Variants in DPF3 observed in about 807,000 individuals in gnomAD.
DPF3 encodes the protein double PHD fingers 3, also known as zinc finger protein DPF3.
A neutral mutation model predicts 56.8 loss-of-function variants in DPF3; 18 were observed. The observed-to-expected ratio is 0.32, with a 90% CI of 0.22 to 0.47. The LOEUF (loss-of-function observed/expected upper bound fraction) is 0.47, where lower values mean the gene tolerates loss of function less well. DPF3 is among the 20% of genes least tolerant of loss of function. The pLI is 1.00. For missense variants in DPF3, 403 were observed against 488.8 expected (o/e 0.82, Z 1.65); for synonymous variants, 188 against 180.2 (o/e 1.04, Z -0.35).
At chr14:72,887,370 A>T (rs2140132960) in intron 1 of DPF3, among the ~76,000 whole-genome samples, 1 of 152,292 alleles carries the variant, frequency 6.6e-6, no homozygotes, top group Non-Finnish European at 1.5e-5. Flanking sequence ...CCAGAGGAAA[A>T]GCCCACATTC....
At chr14:72,830,730 G>C (rs1884017140) in intron 1 of DPF3, among the ~76,000 whole-genome samples, 1 of 152,118 alleles carries the variant, frequency 6.6e-6, no homozygotes, top group East Asian at 1.9e-4. Context: ...CCAAATTTCA[G>C]ACTTTCTGGG....
At chr14:72,784,856 C>T (rs980592809) in intron 1 of DPF3, among the ~76,000 whole-genome samples, 2 of 151,992 alleles carry the variant, frequency 1.3e-5, no homozygotes, top group Admixed American at 1.3e-4. Context: ...ACTTAGGAGG[C>T]TGAGGCAGGA....
intron 8 of DPF3, among the ~76,000 whole-genome samples, chr14:72,643,653 A>T (rs1185554281): frequency 6.6e-6 from 1 of 152,126 alleles, no homozygotes; most frequent in Non-Finnish European, 1.5e-5. Context: ...AGCTATTCCC[A>T]CTTGCAGCTG....
rs79100312 is a variant in DPF3, at chr14:72,682,392, A to C, written c.743-8024T>G. 7.1e-3 allele frequency among the ~76,000 whole-genome samples: 1,079 copies of C among 152,230 alleles called. 16 individuals carry two copies. The highest frequency in any genetic ancestry group is 0.025 in the African/African-American group (1,035 of 41,524). On this transcript the variant is annotated intron_variant, in intron 7 of 10. Transcript: ENST00000556509. ...TGCTACCAAATGAGTTTGTTGAAGGAGAAAATGTTAATTTGAGAGCAACTA... is the reference window on the plus strand; with the variant it reads ...TGCTACCAAATGAGTTTGTTGAAGGCGAAAATGTTAATTTGAGAGCAACTA...
In DPF3 at chr14:72,640,046, T is replaced by TAAAAAA. The variant is rs370070354; in HGVS notation, c.872-10316_872-10311dup. ...AAAGGATAAATAGGAGTTTTCTAAG[T>TAAAAAA]AAAAAAAAAAAAAAAAAAAAAAAAA... is the stretch of plus-strand genomic sequence containing the variant. On this transcript the variant is annotated intron_variant, in intron 8 of 10. Coordinates refer to ENST00000556509, the MANE Select transcript of DPF3 (RefSeq NM_001280542.3). Among the ~76,000 whole-genome samples the TAAAAAA allele has an allele frequency of 1.4e-3, 65 of 45,260 alleles. 2 individuals are homozygous for TAAAAAA. The highest frequency in any genetic ancestry group is 5.4e-3 in the East Asian group (11 of 2,020). The allele number at this position is 45,260 out of a possible 152,430, so 29.7% of individuals were successfully genotyped here.
At position 72,709,058 on chromosome 14, in the gene DPF3, A is replaced by G. The variant is rs963389163; in HGVS notation, c.604+5365T>C. On this transcript the variant is annotated intron_variant, in intron 6 of 10. Coordinates refer to ENST00000556509, the MANE Select transcript of DPF3 (RefSeq NM_001280542.3). ...CCTGATACCCTTCTCTCTGAAGTAC[A>G]CCACTGCCAAGAAACAAGAGACTTT... Among the ~76,000 whole-genome samples the G allele has an allele frequency of 3.9e-5, 6 of 152,196 alleles. No individual in the cohort carries two copies. In the South Asian group the frequency reaches 1.0e-3, roughly 26 times the overall value.
intron 1 of DPF3, among the ~76,000 whole-genome samples, chr14:72,816,463 G>C (rs112105459): frequency 6.6e-6 from 1 of 152,028 alleles, no homozygotes; most frequent in African/African-American, 2.4e-5. Context: ...ACAGCAAGTG[G>C]GTAGAAGCCA....
At chr14:72,733,027 C>T (rs1473978103) in intron 3 of DPF3, among the ~76,000 whole-genome samples, 1 of 151,966 alleles carries the variant, frequency 6.6e-6, no homozygotes, top group Non-Finnish European at 1.5e-5. Flanking sequence ...AAACTTCTGG[C>T]CTCAAGCAAT....
chr14:72,743,004 A>G (rs1175480503), intron 3 of DPF3, among the ~76,000 whole-genome samples: 2 of 152,076 alleles, frequency 1.3e-5, no homozygotes, highest in African/African-American at 2.4e-5. Flanking sequence ...GGGACACCTT[A>G]AGCCACTGTC....
chr14:72,697,162 G>C (rs142823043), intron 6 of DPF3, among the ~76,000 whole-genome samples: 89 of 152,242 alleles, frequency 5.8e-4, no homozygotes, highest in African/African-American at 2.0e-3. Context: ...ATTTTTAACC[G>C]GGTATTTGTA....
intron 8 of DPF3, among the ~76,000 whole-genome samples, chr14:72,642,917 A>C (rs896824334): frequency 6.6e-6 from 1 of 152,238 alleles, no homozygotes. Flanking sequence ...AATGATCCTT[A>C]TAACTTTTCC....
chr14:72,791,806 A>T (rs767911586), intron 1 of DPF3, among the ~76,000 whole-genome samples: 4 of 152,240 alleles, frequency 2.6e-5, no homozygotes, highest in Non-Finnish European at 4.4e-5. Context: ...ATTAGATCCC[A>T]GGTCAGCCCA....
intron 5 of DPF3, among the ~76,000 whole-genome samples, chr14:72,719,012 C>T (rs933555699): frequency 5.3e-5 from 8 of 151,096 alleles, no homozygotes; most frequent in Non-Finnish European, 7.4e-5. Flanking sequence ...CCTCGTGATC[C>T]ACCCGCCTTG....
chr14:72,703,499 C>G (rs980474735), intron 6 of DPF3, among the ~76,000 whole-genome samples: 3 of 129,584 alleles, frequency 2.3e-5, no homozygotes, highest in Non-Finnish European at 5.2e-5. Flanking sequence ...TTTCTGGATC[C>G]TCAGCAGGGA....
intron 1 of DPF3, among the ~76,000 whole-genome samples, chr14:72,886,637 C>T (rs892835383): frequency 6.6e-6 from 1 of 152,004 alleles, no homozygotes; most frequent in Non-Finnish European, 1.5e-5. Context: ...GTCAGGGTGA[C>T]CATTTTGTTT....
chr14:72,784,407 C>A (rs1015474930), intron 1 of DPF3, among the ~76,000 whole-genome samples: 2 of 152,152 alleles, frequency 1.3e-5, no homozygotes, highest in Non-Finnish European at 2.9e-5. Flanking sequence ...GCCAGGATAA[C>A]GACAAAGGAT....
intron 1 of DPF3, among the ~76,000 whole-genome samples, chr14:72,860,470 C>G (rs111384182): frequency 6.6e-6 from 1 of 152,184 alleles, no homozygotes; most frequent in Non-Finnish European, 1.5e-5. Flanking sequence ...TAGTCATGAG[C>G]CACCACACCC....
At position 72,731,173 on chromosome 14, in the gene DPF3, AAAAAAGAAAAAG is replaced by A. The variant is rs533662744; in HGVS notation, c.429+622_429+633del. The stretch of plus-strand genomic sequence containing the variant: ...GGTGACAGAGCGAGACTCTGTCTCA[AAAAAAGAAAAAG>A]AAAAAGAAAAAGAAACGGTAGGTGT... On this transcript the variant is annotated intron_variant, in intron 4 of 10. Transcript: ENST00000556509. 2.3e-3 allele frequency among the ~76,000 whole-genome samples: 349 copies of A among 151,932 alleles called. 1 individual carries two copies. Among genetic ancestry groups the A allele is most frequent in the African/African-American group, 7.8e-3 (320 of 41,242 alleles).
chr14:72,828,752 T>C (rs1883927997), intron 1 of DPF3, among the ~76,000 whole-genome samples: 1 of 152,030 alleles, frequency 6.6e-6, no homozygotes, highest in Non-Finnish European at 1.5e-5. Context: ...CCAAGGAGTT[T>C]GGACTTTATC....
Sources: allele counts gnomAD v4.1 joint callset (sites outside exome capture counted in the v4.1 genomes callset), GRCh38; gene constraint gnomAD v4.1.1; transcripts MANE v1.5; gene names NCBI Gene and HGNC (gene_info 2026-07-23, HGNC 2026-07-21).